The following TRAK1 variants were observed in gnomAD, a reference collection of about 807,000 sequenced individuals.
The protein encoded by TRAK1 is trafficking kinesin-binding protein 1.
In TRAK1, 33 loss-of-function variants were observed where a neutral mutation model predicts 92.1. That is an observed-to-expected ratio of 0.36 (90% CI 0.27 to 0.48). The LOEUF is 0.48. TRAK1 is among the 20% of genes least tolerant of loss of function. The pLI, the probability that TRAK1 is intolerant of heterozygous loss-of-function variation, is 0.99. For synonymous variants in TRAK1, 521 were observed against 517.3 expected, an observed-to-expected ratio of 1.01 and a Z score of -0.10; for missense variants, 1,123 against 1,257.9, an observed-to-expected ratio of 0.89 and a Z score of 1.62.
chr3:42,059,549 C>G (rs942481607), intron 1 of TRAK1, among the ~76,000 whole-genome samples: 27 of 152,082 alleles, frequency 1.8e-4, no homozygotes, highest in African/African-American at 6.3e-4. Context: ...CGGGGATTTC[C>G]TTTCTTCCTC....
At chr3:42,216,380 C>T (rs772488497) in intron 14 of TRAK1, among the ~76,000 whole-genome samples, 14 of 152,292 alleles carry the variant, frequency 9.2e-5, no homozygotes, top group African/African-American at 1.9e-4. Flanking sequence ...CATGGGCCCC[C>T]GAGGAGCATG....
chr3:42,170,476 C>T (rs1702402522), intron 2 of TRAK1, among the ~76,000 whole-genome samples: 1 of 152,188 alleles, frequency 6.6e-6, no homozygotes, highest in African/African-American at 2.4e-5. Flanking sequence ...GCTGCTGCTG[C>T]TATCAAAAGC....
chr3:42,148,637 A>G (rs1462310916), intron 2 of TRAK1, among the ~76,000 whole-genome samples: 1 of 152,198 alleles, frequency 6.6e-6, no homozygotes, highest in Non-Finnish European at 1.5e-5. Flanking sequence ...TCCATGAAAC[A>G]GCATATTGTA....
intron 1 of TRAK1, among the ~76,000 whole-genome samples, chr3:42,040,590 C>T (rs919197159): frequency 1.2e-4 from 18 of 152,022 alleles, no homozygotes; most frequent in African/African-American, 4.3e-4. Flanking sequence ...ATCAAATGAC[C>T]ATAAATGTAA....
intron 2 of TRAK1, among the ~76,000 whole-genome samples, chr3:42,167,609 G>A (rs575314342): frequency 6.6e-6 from 1 of 152,272 alleles, no homozygotes; most frequent in East Asian, 1.9e-4. Flanking sequence ...GGCCAGGCAC[G>A]GTGGCTCACG....
rs779863713 is a variant in TRAK1 at position 42,193,153 on chromosome 3, A to G, written c.848A>G (p.Glu283Gly). 1.2e-6 allele frequency: 2 copies of G among 1,614,200 alleles called. No individual in the cohort carries two copies. Among genetic ancestry groups the G allele is most frequent in the South Asian group, 2.2e-5 (2 of 91,086 alleles). The part of the protein sequence containing the change: ...KTEDAARQQE[E>G]ITHLLSQIVD... Reference sequence around the variant, plus strand: ...GAAGATGCTGCCCGCCAGCAAGAGGAGATCACACACCTGCTATCGCAAATA... The same window carrying G: ...GAAGATGCTGCCCGCCAGCAAGAGGGGATCACACACCTGCTATCGCAAATA... Residue 283 changes from glutamate (E) to glycine (G), a missense_variant, in exon 8 of 16, where the codon GAG (glutamate) becomes GGG (glycine). By Grantham distance (98) the Glu-to-Gly change is moderately conservative. This residue lies in a region of TRAK1 where 686 missense variants were observed against 747.6 expected (regional missense o/e 0.92). Coordinates refer to ENST00000327628, the MANE Select transcript of TRAK1 (RefSeq NM_001042646.3).
intron 15 of TRAK1, chr3:42,220,481 A>C: frequency 1.0e-6 from 1 of 985,396 alleles, no homozygotes; most frequent in Non-Finnish European, 1.2e-6. Flanking sequence ...ACCTTAAACT[A>C]TGAATAATTC....
chr3:42,093,896 GT>G (rs1185503836), intron 1 of TRAK1, among the ~76,000 whole-genome samples: 2 of 151,420 alleles, frequency 1.3e-5, no homozygotes, highest in African/African-American at 4.9e-5. Context: ...TAGAGACAGG[GT>G]TTTGCCATGT....
At chr3:42,174,724 A>G (rs1169261269) in intron 2 of TRAK1, among the ~76,000 whole-genome samples, 1 of 148,710 alleles carries the variant, frequency 6.7e-6, no homozygotes, top group Non-Finnish European at 1.5e-5. Flanking sequence ...AAAATTTTAT[A>G]TATATACAAA....
At chr3:42,153,368 G>C (rs1214292283) in intron 2 of TRAK1, among the ~76,000 whole-genome samples, 2 of 152,054 alleles carry the variant, frequency 1.3e-5, no homozygotes, top group Non-Finnish European at 2.9e-5. Flanking sequence ...CTGTACTCCA[G>C]CCTGGGCGAC....
intron 14 of TRAK1, chr3:42,212,058 T>C: frequency 1.0e-6 from 1 of 985,472 alleles, no homozygotes; most frequent in Non-Finnish European, 1.2e-6. Context: ...GAATTGGCTC[T>C]ATTTTCTCTA....
Position 42,188,180 on chromosome 3 carries a change from G to C in TRAK1, c.581+35G>C, listed in dbSNP as rs750164127. 65 of 1,604,602 alleles carry C rather than the reference G, an allele frequency of 4.1e-5. No homozygotes were observed. The Middle Eastern group carries it at 1.5e-3, about 37-fold the overall frequency. ...CAGAGGGCTGTATTTCTGGAGGCCA[G>C]AGCACAGGCTGGCCGCTGTTGATGT... On this transcript the variant is annotated intron_variant, in intron 5 of 15. Transcript: ENST00000327628.
intron 1 of TRAK1, among the ~76,000 whole-genome samples, chr3:42,035,781 C>G (rs79413181): frequency 0.011 from 1,684 of 152,340 alleles, 32 homozygotes; most frequent in African/African-American, 0.038. Context: ...CTCTCCTCCC[C>G]TTGCTAAAGC....
chr3:42,122,067 C>G (rs955682535), intron 1 of TRAK1, among the ~76,000 whole-genome samples: 4 of 152,178 alleles, frequency 2.6e-5, no homozygotes, highest in Non-Finnish European at 5.9e-5. Flanking sequence ...ATCCACCAGC[C>G]TCAGCCTCCC....
intron 2 of TRAK1, among the ~76,000 whole-genome samples, chr3:42,150,517 A>G (rs926191046): frequency 6.6e-6 from 1 of 150,458 alleles, no homozygotes; most frequent in Non-Finnish European, 1.5e-5. Flanking sequence ...CCCAGTGATG[A>G]TATGTTCCCA....
At chr3:42,116,157 T>C (rs570713809) in intron 1 of TRAK1, among the ~76,000 whole-genome samples, 2 of 152,336 alleles carry the variant, frequency 1.3e-5, no homozygotes, top group East Asian at 3.9e-4. Context: ...GTGCTGTCGC[T>C]ACATCCCGAG....
chr3:42,074,716 T>C (rs902232464), intron 1 of TRAK1, among the ~76,000 whole-genome samples: 5 of 150,226 alleles, frequency 3.3e-5, no homozygotes, highest in Non-Finnish European at 7.4e-5. Flanking sequence ...TAGGTTCAGG[T>C]AGTACATGTA....
intron 13 of TRAK1, among the ~76,000 whole-genome samples, chr3:42,208,106 G>A (rs1272193249): frequency 1.3e-5 from 2 of 152,112 alleles, no homozygotes; most frequent in African/African-American, 4.8e-5. Flanking sequence ...ATGCATCTTA[G>A]CACCTAGTGA....
At chr3:42,085,273 T>G (rs544541538), upstream of TRAK1, among the ~76,000 whole-genome samples, 44 of 152,306 alleles carry the variant, frequency 2.9e-4, no homozygotes, top group African/African-American at 9.6e-4. Context: ...TTTCAAGTGA[T>G]TCTCCTGCCT....
Sources: allele counts gnomAD v4.1 joint callset (sites outside exome capture counted in the v4.1 genomes callset), GRCh38; gene constraint gnomAD v4.1.1; regional missense constraint gnomAD v4.1.1; transcripts MANE v1.5; gene names NCBI Gene and HGNC (gene_info 2026-07-23, HGNC 2026-07-21).